TIAM2: variants seen among roughly 807,000 people sequenced by gnomAD.
The protein encoded by TIAM2 is rho guanine nucleotide exchange factor TIAM2.
In TIAM2, 80 loss-of-function variants were observed where a neutral mutation model predicts 152.9. The ratio of observed to expected loss-of-function variants is 0.52; its 90% confidence interval spans 0.44 to 0.63. The LOEUF (loss-of-function observed/expected upper bound fraction) is 0.63, where lower values mean the gene tolerates loss of function less well. TIAM2 is among the 30% of genes least tolerant of loss of function. TIAM2 has a pLI of 0.00. For synonymous variants in TIAM2, 804 were observed against 838.0 expected (o/e 0.96, Z 0.70); for missense variants, 1,965 against 2,120.1 (o/e 0.93, Z 1.44).
At position 155,189,621 on chromosome 6, in the gene TIAM2, C is replaced by A. The variant is rs1045190479; in HGVS notation, c.3064+6121C>A. On this transcript the variant is annotated intron_variant, in intron 14 of 26. Coordinates refer to ENST00000682666, the MANE Select transcript of TIAM2 (RefSeq NM_012454.4). ...ATTCACTTGTGTATTTAACAGATAA[C>A]CTTTTGTTAAATGTCGAAGGTACAT... Among the ~76,000 whole-genome samples, 7 of 152,044 alleles carry A rather than the reference C, an allele frequency of 4.6e-5. No homozygotes were observed. The South Asian group carries it at 8.3e-4, about 18-fold the overall frequency.
In TIAM2 at chr6:155,213,527, A is replaced by G. The variant is rs1340070986; in HGVS notation, c.3168+2220A>G. Reference sequence around the variant, plus strand: ...TGGAAATGTGCACTGATTGGTCCATAGTGGCCATGAGCAGACCCAGAAAAA... The same window carrying G: ...TGGAAATGTGCACTGATTGGTCCATGGTGGCCATGAGCAGACCCAGAAAAA... On this transcript the variant is annotated intron_variant, in intron 15 of 26. Transcript: ENST00000682666. This position sits in a 1 kb window ranked among gnomAD's most constrained non-coding sequence, Gnocchi z 4.2. 1.3e-5 allele frequency among the ~76,000 whole-genome samples: 2 copies of G among 152,162 alleles called. No homozygotes were observed. The highest frequency in any genetic ancestry group is 1.5e-5 in the Non-Finnish European group (1 of 68,020).
rs1781385800 is a variant in TIAM2, at chr6:155,197,895, A to G, written c.3065-13309A>G. ...AATTCAAGATGAGCTTTGGGTGGGA[A>G]CACAGCCAAACCATATCACTGAGCA... On this transcript the variant is annotated intron_variant, in intron 14 of 26. Coordinates refer to ENST00000682666, the MANE Select transcript of TIAM2 (RefSeq NM_012454.4). 2.0e-5 allele frequency among the ~76,000 whole-genome samples: 3 copies of G among 152,200 alleles called. No individual in the cohort carries two copies. The South Asian group carries it at 6.2e-4, about 32-fold the overall frequency.
At chr6:155,110,182 A>G (rs7755326) in intron 2 of TIAM2, among the ~76,000 whole-genome samples, 46,822 of 151,390 alleles carry the variant, frequency 0.31, 7,814 homozygotes, top group Admixed American at 0.41. Context: ...TGAACTCCTG[A>G]TCTCAAGTGA....
At chr6:155,017,505 T>C (rs1446637941) in intron 1 of TIAM2, among the ~76,000 whole-genome samples, 1 of 59,532 alleles carries the variant, frequency 1.7e-5, no homozygotes, top group Non-Finnish European at 3.4e-5. Flanking sequence ...CTCCATTTTG[T>C]CTTTTTTTTT....
intron 1 of TIAM2, among the ~76,000 whole-genome samples, chr6:155,057,608 G>A (rs1393729042): frequency 7.3e-6 from 1 of 136,270 alleles, no homozygotes; most frequent in Non-Finnish European, 1.5e-5. Flanking sequence ...GTGCAGTGAC[G>A]TGATCTTGCT....
chr6:155,127,213 C>T (rs564595697), intron 2 of TIAM2, among the ~76,000 whole-genome samples: 5 of 152,178 alleles, frequency 3.3e-5, no homozygotes, highest in Admixed American at 1.3e-4. Flanking sequence ...AGATGAGCCA[C>T]GCATGACTCA....
intron 1 of TIAM2, among the ~76,000 whole-genome samples, chr6:155,067,009 G>A (rs528901358): frequency 1.3e-5 from 2 of 152,198 alleles, no homozygotes; most frequent in Admixed American, 6.5e-5. Context: ...TGCCCGCTTC[G>A]GTCTTCCAGA....
chr6:155,012,463 C>T (rs907281519), intron 1 of TIAM2, among the ~76,000 whole-genome samples: 8 of 152,140 alleles, frequency 5.3e-5, no homozygotes, highest in Admixed American at 1.3e-4. Flanking sequence ...TTACCAAACC[C>T]CATTAATTCC....
chr6:155,027,869 A>G (rs1452907005), intron 1 of TIAM2, among the ~76,000 whole-genome samples: 1 of 103,368 alleles, frequency 9.7e-6, no homozygotes, highest in Non-Finnish European at 1.8e-5. Flanking sequence ...GTTATATACT[A>G]TATAATATAT....
chr6:155,000,739 C>T (rs1283253278), intron 1 of TIAM2, among the ~76,000 whole-genome samples: 1 of 152,132 alleles, frequency 6.6e-6, no homozygotes, highest in Non-Finnish European at 1.5e-5. Context: ...AATCCCAGTA[C>T]TCTGGGAGGC....
chr6:155,114,036 A>ATATATATATATATATATTTT, intron 2 of TIAM2, among the ~76,000 whole-genome samples: 10 of 34,904 alleles, frequency 2.9e-4, no homozygotes, highest in Admixed American at 6.5e-4. Context: ...ATATATATAT[A>ATATATATATATATATATTTT]TTTTTTTTTT....
At chr6:155,059,321 T>TGTGCGCGC (rs1554227486) in intron 1 of TIAM2, among the ~76,000 whole-genome samples, 28 of 117,374 alleles carry the variant, frequency 2.4e-4, no homozygotes, top group African/African-American at 8.7e-4. Flanking sequence ...TGTGTGTGTG[T>TGTGCGCGC]GTGTGCGCGT....
At chr6:155,149,196 C>T (rs369895542) in intron 7 of TIAM2, 2 of 167,142 alleles carry the variant, frequency 1.2e-5, no homozygotes, top group Non-Finnish European at 2.9e-5. Flanking sequence ...CCCCTCAGGC[C>T]AGCAGGGCAA....
chr6:155,256,171 C>G lies in TIAM2; in HGVS notation c.4469-313C>G, dbSNP rs61196184. On this transcript the variant is annotated intron_variant, in intron 26 of 26. Transcript: ENST00000682666. The stretch of plus-strand genomic sequence containing the variant: ...GCCTAGATTTATTATTACCAATTAA[C>G]TTTTCAACTTACTCCTTGGCAAAAT... The G allele has an allele frequency of 1.3e-5, 7 of 522,940 alleles. No individual in the cohort carries two copies. In the East Asian group the frequency reaches 2.4e-4, roughly 18 times the overall value. 32.4% of individuals were successfully genotyped at this position (522,940 alleles called of 1,614,324 possible). A position where few individuals can be genotyped will look rare whatever the true frequency, so the allele number is the denominator to read the frequency against.
chr6:155,032,080 CTGTG>C (rs1776833450), intron 1 of TIAM2, among the ~76,000 whole-genome samples: 1 of 136,254 alleles, frequency 7.3e-6, no homozygotes, highest in Non-Finnish European at 1.6e-5. Flanking sequence ...GATGGAAGAT[CTGTG>C]AGGGAAAAAA....
intron 9 of TIAM2, among the ~76,000 whole-genome samples, chr6:155,168,288 G>A (rs779575638): frequency 2.0e-5 from 3 of 152,066 alleles, no homozygotes; most frequent in Admixed American, 6.6e-5. Context: ...GCTTGATTTT[G>A]TTGGTTCTGT....
chr6:155,236,913 C>A (rs1333329336), intron 15 of TIAM2, among the ~76,000 whole-genome samples: 1 of 152,160 alleles, frequency 6.6e-6, no homozygotes, highest in Non-Finnish European at 1.5e-5. Flanking sequence ...CCAAACCATA[C>A]CATTTTGCCC....
chr6:155,168,831 C>T (rs1780505536), intron 9 of TIAM2: 3 of 1,531,928 alleles, frequency 2.0e-6, no homozygotes, highest in Non-Finnish European at 2.6e-6. Context: ...TCTTTTTCCT[C>T]CCCCATCTGT....
At position 155,133,494 on chromosome 6, in the gene TIAM2, A is replaced by G. The variant is rs78631446; in HGVS notation, c.1194+3077A>G. On this transcript the variant is annotated intron_variant, in intron 4 of 26. Coordinates refer to ENST00000682666, the MANE Select transcript of TIAM2 (RefSeq NM_012454.4). Reference sequence around the variant, plus strand: ...AAAAAGTACCTTCTTAGCAAATTTCAGGCATAGAATATAGTGTTATTAACT... The same window carrying G: ...AAAAAGTACCTTCTTAGCAAATTTCGGGCATAGAATATAGTGTTATTAACT... 8.8e-4 allele frequency among the ~76,000 whole-genome samples: 134 copies of G among 152,220 alleles called. 1 individual carries two copies. The East Asian group carries it at 0.017, about 20-fold the overall frequency.
Sources: gnomAD v4.1 joint callset for allele counts (sites outside exome capture counted in the v4.1 genomes callset) on GRCh38, gnomAD v4.1.1 for gene constraint, Gnocchi (gnomAD v3.1) non-coding constraint, MANE v1.5 for transcripts, NCBI Gene and HGNC (gene_info 2026-07-23, HGNC 2026-07-21) for gene names.